The following ENOSF1 variants were observed in gnomAD, a reference collection of about 807,000 sequenced individuals.
The protein encoded by ENOSF1 is mitochondrial enolase superfamily member 1.
Under a neutral mutation model 68.2 loss-of-function variants are expected in ENOSF1, and 73 were observed. That is an observed-to-expected ratio of 1.07 (90% CI 0.89 to 1.30). The LOEUF (loss-of-function observed/expected upper bound fraction) is 1.30. Among genes scored for constraint, ENOSF1 ranks in the 50% most tolerant of loss-of-function variants. The probability of loss-of-function intolerance (pLI) is 0.00; values close to 1 mark genes in which losing one functional copy is unlikely to be tolerated. For missense variants in ENOSF1, 589 were observed against 554.5 expected (o/e 1.06, Z -0.62); for synonymous variants, 223 against 210.4 (o/e 1.06, Z -0.52).
In ENOSF1 at chr18:697,231, G is replaced by A. The variant is rs1453744053; in HGVS notation, c.309+9C>T. 1 of 1,598,346 alleles carries A rather than the reference G, an allele frequency of 6.3e-7. No individual in the cohort carries two copies. The highest frequency in any genetic ancestry group is 1.1e-5 in the South Asian group (1 of 90,798). On this transcript the variant is annotated intron_variant, in intron 3 of 15. Coordinates refer to ENST00000647584, the MANE Select transcript of ENOSF1 (RefSeq NM_017512.7). The stretch of plus-strand genomic sequence containing the variant: ...CTTATGTAAGCATTTTACAAAATAG[G>A]TCCCTTACCCATCTGAGCTGCCCAT...
chr18:667,101 A>AGATGGAGATGGTGATGGTGATGGT (rs1567990010), downstream of ENOSF1, among the ~76,000 whole-genome samples: 21 of 18,296 alleles, frequency 1.1e-3, 1 homozygote, highest in Admixed American at 1.8e-3. Context: ...ATGGAGATGG[A>AGATGGAGATGGTGATGGTGATGGT]GATGGAGATG....
intron 2 of ENOSF1, among the ~76,000 whole-genome samples, chr18:705,259 T>A (rs928504173): frequency 1.3e-5 from 2 of 152,240 alleles, no homozygotes; most frequent in African/African-American, 4.8e-5. Flanking sequence ...ACCCTTACCC[T>A]TCAATCTATC....
At chr18:691,159 T>C (rs202234154) in intron 6 of ENOSF1, 45 bp downstream of exon 6, 115 of 1,613,012 alleles carry the variant, frequency 7.1e-5, no homozygotes, top group Non-Finnish European at 9.4e-5. Flanking sequence ...AGCATGCCAC[T>C]ACTGTGTGTG....
rs1430846737 is a variant in ENOSF1, at chr18:690,636, GA to G, written c.536-6del. On this transcript the variant is annotated splice_polypyrimidine_tract_variant and splice_region_variant and intron_variant, in intron 7 of 15. Coordinates refer to ENST00000647584, the MANE Select transcript of ENOSF1 (RefSeq NM_017512.7). ...CTTGTGCCAGCATTTGCTTCTCTGTGAAAACACAGCGCCGTCAACATTTTGC... is the reference window on the plus strand; with the variant it reads ...CTTGTGCCAGCATTTGCTTCTCTGTGAAACACAGCGCCGTCAACATTTTGC... The G allele has an allele frequency of 6.2e-7, 1 of 1,613,408 alleles. No homozygotes were observed. The highest frequency in any genetic ancestry group is 8.5e-7 in the Non-Finnish European group (1 of 1,180,010).
At chr18:667,209 T>A (rs796353669), downstream of ENOSF1, among the ~76,000 whole-genome samples, 48 of 56,146 alleles carry the variant, frequency 8.5e-4, no homozygotes, top group African/African-American at 1.8e-3. Flanking sequence ...ATGGTGATGG[T>A]GATGGAGATG....
intron 1 of ENOSF1, among the ~76,000 whole-genome samples, chr18:708,680 G>A (rs558648245): frequency 2.5e-4 from 38 of 152,188 alleles, no homozygotes; most frequent in East Asian, 3.9e-4. Context: ...TGAGCTGGCC[G>A]GTCAAGGAAG....
At chr18:691,344 A>C (rs1248910998) in intron 5 of ENOSF1, 68 bp from the exon 6 acceptor site, 1 of 1,338,390 alleles carries the variant, frequency 7.5e-7, no homozygotes, top group East Asian at 2.5e-5. Context: ...TGTTTTTTAA[A>C]ATTTATTATT....
chr18:680,392 G>A (rs1373626653), intron 11 of ENOSF1, among the ~76,000 whole-genome samples: 3 of 152,206 alleles, frequency 2.0e-5, no homozygotes, highest in African/African-American at 7.2e-5. Context: ...GAGGAAGGGG[G>A]AGGAGGAAAG....
intron 5 of ENOSF1, chr18:693,038 T>C: frequency 3.9e-6 from 5 of 1,267,494 alleles, no homozygotes; most frequent in Non-Finnish European, 5.1e-6. Context: ...CAGCTCAGAG[T>C]GGGGAAGTCA....
intron 14 of ENOSF1, among the ~76,000 whole-genome samples, chr18:676,978 A>C (rs892302028): frequency 1.3e-5 from 2 of 152,258 alleles, no homozygotes; most frequent in Non-Finnish European, 2.9e-5. Flanking sequence ...CGTTCTGAGA[A>C]ATAAGATGAA....
downstream of ENOSF1, among the ~76,000 whole-genome samples, chr18:667,418 T>A (rs867591019): frequency 1.9e-3 from 7 of 3,714 alleles, 1 homozygote; most frequent in African/African-American, 6.4e-3. Flanking sequence ...ATGGTGATGG[T>A]GATGGTGATG....
chr18:700,300 G>A lies in ENOSF1; in HGVS notation c.194-2945C>T, dbSNP rs1393695823. Among the ~76,000 whole-genome samples, 7 of 152,162 alleles carry A rather than the reference G, an allele frequency of 4.6e-5. No individual in the cohort carries two copies. The East Asian group carries it at 1.3e-3, about 29-fold the overall frequency. On this transcript the variant is annotated intron_variant, in intron 2 of 15. Transcript: ENST00000647584. Reference sequence around the variant, plus strand: ...GAAGACAGAGTCCTCCTCACTTCTTGAAGGTTGATGCTCTTGAATTAAAGA... The same window carrying A: ...GAAGACAGAGTCCTCCTCACTTCTTAAAGGTTGATGCTCTTGAATTAAAGA...
chr18:664,068 C>A, the ENOSF1 span, among the ~76,000 whole-genome samples: 1 of 141,900 alleles, frequency 7.0e-6, no homozygotes, highest in Non-Finnish European at 1.5e-5. Context: ...TCATTGGTAG[C>A]TTGATGGGGA....
rs1168596604 is a variant in ENOSF1 at position 680,847 on chromosome 18, A to AT, written c.877-2111dup. ...AGGCACACATCACCGCGCCCTGCTAATTTTTTTTTTTTTTCTGAGATGGAG... is the reference window on the plus strand; with the variant it reads ...AGGCACACATCACCGCGCCCTGCTAATTTTTTTTTTTTTTTCTGAGATGGAG... On this transcript the variant is annotated intron_variant, in intron 11 of 15. Transcript: ENST00000647584. 4.3e-3 allele frequency among the ~76,000 whole-genome samples: 542 copies of AT among 125,648 alleles called. 1 individual carries two copies. The highest frequency in any genetic ancestry group is 4.7e-3 in the Non-Finnish European group (273 of 58,340). The allele number at this position is 125,648 out of a possible 152,430, so 82.4% of individuals were successfully genotyped here.
At chr18:683,511 G>A in intron 10 of ENOSF1, 131 bp from the exon 11 acceptor site, 2 of 1,036,470 alleles carry the variant, frequency 1.9e-6, no homozygotes, top group South Asian at 1.6e-5. Context: ...CGCCTCTGCT[G>A]AGGCCCAGCA....
Position 706,528 on chromosome 18 carries a change from T to C in ENOSF1, c.135A>G (p.Ala45=), listed in dbSNP as rs1413203737. Residue 45 remains alanine (A), a synonymous_variant, in exon 2 of 16, where the codon GCA becomes GCG. Coordinates refer to ENST00000647584, the MANE Select transcript of ENOSF1 (RefSeq NM_017512.7). Reference sequence around the variant, plus strand: ...TTCCACACCCCTTGATTCCATCTTCTGCATCAGTTTCTATGACGACATAGG... The same window carrying C: ...TTCCACACCCCTTGATTCCATCTTCCGCATCAGTTTCTATGACGACATAGG... The part of the protein sequence containing the change: ...SAAYVVIETD[A]EDGIKGCGIT... 3 of 1,614,024 alleles carry C rather than the reference T, an allele frequency of 1.9e-6. No individual in the cohort carries two copies. The highest frequency in any genetic ancestry group is 2.2e-5 in the East Asian group (1 of 44,858).
In ENOSF1 at chr18:671,337, T is replaced by C. The variant is rs749789548; in HGVS notation, c.*2968A>G. On this transcript the variant is annotated 3_prime_UTR_variant, in exon 16 of 16. Transcript: ENST00000647584. Reference sequence around the variant, plus strand: ...TGTTTTTAAATGATGTTTTAAAGAATTGAAACTAACATACTGTTCTGCTTT... The same window carrying C: ...TGTTTTTAAATGATGTTTTAAAGAACTGAAACTAACATACTGTTCTGCTTT... The C allele has an allele frequency of 1.4e-5, 18 of 1,276,978 alleles. No individual in the cohort carries two copies. Among genetic ancestry groups the C allele is most frequent in the Admixed American group, 3.4e-5 (2 of 59,430 alleles). 79.1% of individuals were successfully genotyped at this position (1,276,978 alleles called of 1,614,324 possible).
At chr18:697,114 C>T in intron 3 of ENOSF1, 126 bp downstream of exon 3, 1 of 763,642 alleles carries the variant, frequency 1.3e-6, no homozygotes, top group Non-Finnish European at 2.3e-6. Flanking sequence ...GAGACTCCAT[C>T]TCAAAAAATA....
At chr18:693,557 G>T in intron 5 of ENOSF1, 1 of 985,336 alleles carries the variant, frequency 1.0e-6, no homozygotes, top group Non-Finnish European at 1.2e-6. Context: ...AATTTTGTGA[G>T]GTTCCTAGAG....
Sources: gnomAD v4.1 joint callset for allele counts (sites outside exome capture counted in the v4.1 genomes callset) on GRCh38, gnomAD v4.1.1 for gene constraint, MANE v1.5 for transcripts, NCBI Gene and HGNC (gene_info 2026-07-23, HGNC 2026-07-21) for gene names.